The following PIK3CD variants were observed in gnomAD, a reference collection of about 807,000 sequenced individuals.
The protein encoded by PIK3CD is phosphatidylinositol 4,5-bisphosphate 3-kinase catalytic subunit delta isoform.
In PIK3CD, 20 loss-of-function variants were observed where a neutral mutation model predicts 122.9. The observed-to-expected ratio is 0.16, with a 90% CI of 0.11 to 0.24. The LOEUF (loss-of-function observed/expected upper bound fraction) is 0.24. PIK3CD is among the 10% of genes least tolerant of loss of function. The pLI is 1.00. For synonymous variants in PIK3CD, 596 were observed against 593.4 expected (o/e 1.00, Z -0.06); for missense variants, 787 against 1,406.3 (o/e 0.56, Z 7.04).
At chr1:9,687,850 G>A (rs965258241) in intron 1 of PIK3CD, among the ~76,000 whole-genome samples, 1 of 152,150 alleles carries the variant, frequency 6.6e-6, no homozygotes, top group African/African-American at 2.4e-5. Context: ...CAGGGAAGAG[G>A]AGTGTCCCCT....
At chr1:9,635,389 C>G in the PIK3CD span, among the ~76,000 whole-genome samples, 1 of 152,016 alleles carries the variant, frequency 6.6e-6, no homozygotes, top group South Asian at 2.1e-4. Flanking sequence ...CCCCCACTCT[C>G]TCTTCCTCTG....
intron 1 of PIK3CD, among the ~76,000 whole-genome samples, chr1:9,659,874 C>T (rs1327798778): frequency 6.6e-6 from 1 of 152,178 alleles, no homozygotes; most frequent in Non-Finnish European, 1.5e-5. Flanking sequence ...TCTCGGCCTC[C>T]TGAGTAGCTG....
At chr1:9,642,294 G>A in the PIK3CD span, among the ~76,000 whole-genome samples, 3 of 151,306 alleles carry the variant, frequency 2.0e-5, no homozygotes, top group Non-Finnish European at 4.4e-5. Flanking sequence ...TGTATTTTTA[G>A]TGGAGACAGG....
At chr1:9,658,093 C>A (rs1280317162) in intron 1 of PIK3CD, among the ~76,000 whole-genome samples, 1 of 152,086 alleles carries the variant, frequency 6.6e-6, no homozygotes, top group Non-Finnish European at 1.5e-5. Context: ...CTTTGGAAAA[C>A]CATTTATGGC....
In PIK3CD at chr1:9,720,198, C is replaced by T. The variant is rs929800121; in HGVS notation, c.1426C>T (p.Pro476Ser). 3 of 1,611,548 alleles carry T rather than the reference C, an allele frequency of 1.9e-6. No homozygotes were observed. The highest frequency in any genetic ancestry group is 2.5e-6 in the Non-Finnish European group (3 of 1,178,956). The change falls in exon 11 of 24, where the codon CCC becomes TCC. Residue 476 changes from proline to serine, a missense_variant. By Grantham distance (74) the Pro-to-Ser change is moderately conservative. This residue lies in a region of PIK3CD where 592 missense variants were observed against 920.6 expected (regional missense o/e 0.64). Coordinates refer to ENST00000377346, the MANE Select transcript of PIK3CD (RefSeq NM_005026.5). This position sits in a 1 kb window ranked among gnomAD's most constrained non-coding sequence, Gnocchi z 9.0. The stretch of plus-strand genomic sequence containing the variant: ...CGCCGCTGCCCTGCTCATCTGCCTG[C>T]CCGAGGTGGCCCCGCACCCCGTGTA... ...DSAAALLICL[P>S]EVAPHPVYYP...
intron 1 of PIK3CD, chr1:9,654,484 G>A (rs201016347): frequency 9.7e-6 from 11 of 1,129,652 alleles, no homozygotes; most frequent in Non-Finnish European, 1.3e-5. Flanking sequence ...ATGGTTGTGC[G>A]AAAGCCAGCC....
At chr1:9,630,740 G>GTGTGTGCA in the PIK3CD span, among the ~76,000 whole-genome samples, 5 of 114,478 alleles carry the variant, frequency 4.4e-5, no homozygotes, top group Admixed American at 2.1e-4. Context: ...GTGTGTGTGT[G>GTGTGTGCA]CAGAAGAGGG....
rs1040046571 is a variant in PIK3CD, at chr1:9,652,047, T to G, written c.-138+245T>G. Among the ~76,000 whole-genome samples, 1 of 151,482 alleles carries G rather than the reference T, an allele frequency of 6.6e-6. No homozygotes were observed. Among genetic ancestry groups the G allele is most frequent in the Non-Finnish European group, 1.5e-5 (1 of 67,826 alleles). On this transcript the variant is annotated intron_variant, in intron 1 of 23. Transcript: ENST00000377346. The surrounding 1 kb of genome is among the most constrained non-coding windows in gnomAD (Gnocchi z 6.2). ...CCTAGAGGCCCGGGGCCGTCCCCCG[T>G]GGGCCCGCCGAGAGGGGCGTGCGCA...
chr1:9,654,025 A>G, intron 1 of PIK3CD: 1 of 1,278,772 alleles, frequency 7.8e-7, no homozygotes, highest in Non-Finnish European at 1.0e-6. Flanking sequence ...AAGCTATTAC[A>G]GTGCCACTGC....
rs939283956 is a variant in PIK3CD at position 9,717,775 on chromosome 1, G to T, written c.1020+149G>T. 1 of 787,490 alleles carries T rather than the reference G, an allele frequency of 1.3e-6. No individual in the cohort carries two copies. The highest frequency in any genetic ancestry group is 2.1e-6 in the Non-Finnish European group (1 of 471,714). The allele number at this position is 787,490 out of a possible 1,614,324, so 48.8% of individuals were successfully genotyped here. ...CATCCCTGCCTGGGGCGCTGTGAGC[G>T]GCTTGAAAACAGGAAGTGGGGAGGG... is the stretch of plus-strand genomic sequence containing the variant. On this transcript the variant is annotated intron_variant, in intron 8 of 23. Coordinates refer to ENST00000377346, the MANE Select transcript of PIK3CD (RefSeq NM_005026.5). The surrounding 1 kb of genome is among the most constrained non-coding windows in gnomAD (Gnocchi z 5.4).
chr1:9,643,473 A>AAGGGAGGG, the PIK3CD span, among the ~76,000 whole-genome samples: 1 of 102,944 alleles, frequency 9.7e-6, no homozygotes, highest in Admixed American at 1.1e-4. Context: ...GGAGGGAAGG[A>AAGGGAGGG]AGGGAGGGAG....
Position 9,719,887 on chromosome 1 carries a change from A to C in PIK3CD, c.1243-34A>C, listed in dbSNP as rs766703547. ...GGGAAGCTGGGTCTGGAGGCCCCTG[A>C]GTGGCTGTCCTCACCTGCCCTGTCC... On this transcript the variant is annotated intron_variant, in intron 9 of 23. Coordinates refer to ENST00000377346, the MANE Select transcript of PIK3CD (RefSeq NM_005026.5). This position sits in a 1 kb window ranked among gnomAD's most constrained non-coding sequence, Gnocchi z 5.5. The C allele has an allele frequency of 2.5e-5, 39 of 1,573,048 alleles. No homozygotes were observed. The highest frequency in any genetic ancestry group is 3.3e-5 in the Non-Finnish European group (38 of 1,143,534).
At chr1:9,676,532 C>G (rs1034024208) in intron 1 of PIK3CD, among the ~76,000 whole-genome samples, 1 of 152,236 alleles carries the variant, frequency 6.6e-6, no homozygotes, top group Non-Finnish European at 1.5e-5. Flanking sequence ...GGCCTGGCCT[C>G]TACAATCTCA....
chr1:9,651,054 C>G (rs2100665095), upstream of PIK3CD, among the ~76,000 whole-genome samples: 1 of 152,214 alleles, frequency 6.6e-6, no homozygotes, highest in African/African-American at 2.4e-5. Flanking sequence ...CTATGTTGCC[C>G]AGGCTGGCTT....
intron 1 of PIK3CD, among the ~76,000 whole-genome samples, chr1:9,669,644 C>A (rs974637976): frequency 1.3e-5 from 2 of 151,980 alleles, no homozygotes; most frequent in Non-Finnish European, 2.9e-5. Flanking sequence ...TTCAGAGTGG[C>A]CTTGGCATTC....
At chr1:9,726,040 C>T (rs768183162) in intron 23 of PIK3CD, among the ~76,000 whole-genome samples, 2 of 151,502 alleles carry the variant, frequency 1.3e-5, no homozygotes, top group Non-Finnish European at 2.9e-5. Context: ...GGTGAAACCA[C>T]ATCTCTACTT....
intron 1 of PIK3CD, among the ~76,000 whole-genome samples, chr1:9,688,950 T>A (rs1646078737): frequency 6.6e-6 from 1 of 152,104 alleles, no homozygotes; most frequent in African/African-American, 2.4e-5. Flanking sequence ...AAGTGCTAGG[T>A]ACACTCATTT....
intron 1 of PIK3CD, among the ~76,000 whole-genome samples, chr1:9,664,920 T>C (rs1186746282): frequency 6.6e-6 from 1 of 152,056 alleles, no homozygotes; most frequent in Non-Finnish European, 1.5e-5. Context: ...TTTTATGTCC[T>C]AGCTGGGTGC....
chr1:9,643,988 G>T, the PIK3CD span, among the ~76,000 whole-genome samples: 2 of 152,216 alleles, frequency 1.3e-5, no homozygotes, highest in Admixed American at 1.3e-4. Flanking sequence ...AGTCCCTTGT[G>T]CAGGGGCTGA....
Sources: allele counts gnomAD v4.1 joint callset (sites outside exome capture counted in the v4.1 genomes callset), GRCh38; gene constraint gnomAD v4.1.1; regional missense constraint gnomAD v4.1.1; non-coding constraint Gnocchi (gnomAD v3.1); transcripts MANE v1.5; gene names NCBI Gene and HGNC (gene_info 2026-07-23, HGNC 2026-07-21).